Variants in TTC27 observed in about 807,000 individuals in gnomAD.
TTC27 encodes the protein tetratricopeptide repeat domain 27, also known as tetratricopeptide repeat protein 27.
A neutral mutation model predicts 115.9 loss-of-function variants in TTC27; 79 were observed. The observed-to-expected ratio is 0.68, with a 90% CI of 0.57 to 0.82. The LOEUF (loss-of-function observed/expected upper bound fraction) is 0.82. Ranked by LOEUF, TTC27 falls within the 40% of genes least tolerant of loss-of-function variation. The pLI, the probability that TTC27 is intolerant of heterozygous loss-of-function variation, is 0.00. For synonymous variants in TTC27, 401 were observed against 356.0 expected, an observed-to-expected ratio of 1.13 and a Z score of -1.42; for missense variants, 1,054 against 993.1, an observed-to-expected ratio of 1.06 and a Z score of -0.82.
intron 12 of TTC27, among the ~76,000 whole-genome samples, chr2:32,751,295 C>CAG (rs1261371735): frequency 6.6e-6 from 1 of 150,424 alleles, no homozygotes; most frequent in African/African-American, 2.4e-5. Flanking sequence ...CACACACACA[C>CAG]ACACACATGC....
intron 13 of TTC27, among the ~76,000 whole-genome samples, chr2:32,765,357 C>T (rs1045701447): frequency 5.0e-5 from 7 of 139,706 alleles, no homozygotes; most frequent in South Asian, 2.4e-4. Flanking sequence ...TGAAAGGAAT[C>T]TTTTTTTTTT....
chr2:32,756,041 A>G (rs1055464754), intron 12 of TTC27, among the ~76,000 whole-genome samples: 2 of 152,324 alleles, frequency 1.3e-5, no homozygotes, highest in African/African-American at 4.8e-5. Context: ...TCTGTCTTCA[A>G]ACCCAACCAG....
intron 16 of TTC27, among the ~76,000 whole-genome samples, chr2:32,788,095 T>C (rs983422254): frequency 5.3e-5 from 8 of 152,240 alleles, no homozygotes; most frequent in East Asian, 1.9e-4. Context: ...TTTACTGCAA[T>C]TGTGATTTTT....
At chr2:32,791,398 A>G (rs1670530214) in intron 16 of TTC27, among the ~76,000 whole-genome samples, 2 of 152,216 alleles carry the variant, frequency 1.3e-5, no homozygotes, top group Admixed American at 1.3e-4. Context: ...AAGGGGATTA[A>G]TATATATTGA....
At chr2:32,665,395 A>C (rs1665733530) in intron 6 of TTC27, among the ~76,000 whole-genome samples, 1 of 152,178 alleles carries the variant, frequency 6.6e-6, no homozygotes, top group South Asian at 2.1e-4. Flanking sequence ...TTAGTTTCAG[A>C]AGTTATGTTT....
At chr2:32,739,254 A>G (rs1245983805) in intron 12 of TTC27, among the ~76,000 whole-genome samples, 1 of 152,268 alleles carries the variant, frequency 6.6e-6, no homozygotes, top group Non-Finnish European at 1.5e-5. Flanking sequence ...AGAAATAAGT[A>G]ATAACTTTAT....
intron 10 of TTC27, among the ~76,000 whole-genome samples, chr2:32,728,607 A>G (rs947240443): frequency 2.6e-5 from 4 of 152,224 alleles, no homozygotes; most frequent in Non-Finnish European, 4.4e-5. Flanking sequence ...CACATCTGAC[A>G]TTGATCACAT....
chr2:32,704,727 G>A, intron 10 of TTC27: 1 of 381,778 alleles, frequency 2.6e-6, no homozygotes, highest in Non-Finnish European at 5.4e-6. Flanking sequence ...TGATGCTTTT[G>A]AAGATTATGG....
At chr2:32,746,457 T>G in intron 12 of TTC27, among the ~76,000 whole-genome samples, 1 of 148,064 alleles carries the variant, frequency 6.8e-6, no homozygotes, top group East Asian at 2.0e-4. Flanking sequence ...CAGCTACCTG[T>G]GAGGCTGAGG....
rs565073506 is a variant in TTC27 at position 32,646,015 on chromosome 2, G to A, written c.538-4116G>A. On this transcript the variant is annotated intron_variant, in intron 4 of 19. Coordinates refer to ENST00000317907, the MANE Select transcript of TTC27 (RefSeq NM_017735.5). ...ATTACAGGTGTGAGCCACAGTGCCC[G>A]GCCTCAATTTTCAATTTTAATTTTT... Among the ~76,000 whole-genome samples, 9 of 147,924 alleles carry A rather than the reference G, an allele frequency of 6.1e-5. No homozygotes were observed. In the East Asian group the frequency reaches 1.0e-3, roughly 17 times the overall value.
intron 5 of TTC27, among the ~76,000 whole-genome samples, chr2:32,662,959 G>T (rs1404977789): frequency 6.6e-6 from 1 of 152,152 alleles, no homozygotes; most frequent in Non-Finnish European, 1.5e-5. Context: ...TGTGTCCAGA[G>T]ATTCTTTGTT....
At chr2:32,805,034 T>C (rs1671082542) in intron 16 of TTC27, among the ~76,000 whole-genome samples, 2 of 152,186 alleles carry the variant, frequency 1.3e-5, no homozygotes, top group Admixed American at 6.5e-5. Context: ...AAGAACTTAA[T>C]AGAAAGGAAG....
At chr2:32,791,729 G>A (rs1344964829) in intron 16 of TTC27, among the ~76,000 whole-genome samples, 1 of 151,946 alleles carries the variant, frequency 6.6e-6, no homozygotes, top group Non-Finnish European at 1.5e-5. Flanking sequence ...CAGATAATAA[G>A]CCAGGCATGG....
intron 4 of TTC27, among the ~76,000 whole-genome samples, chr2:32,646,380 G>A (rs562885927): frequency 6.6e-6 from 1 of 151,874 alleles, no homozygotes; most frequent in Non-Finnish European, 1.5e-5. Context: ...CATTGCCCAG[G>A]CTTGTCTGAA....
chr2:32,809,645 A>G (rs909924606), intron 16 of TTC27, among the ~76,000 whole-genome samples: 1 of 152,240 alleles, frequency 6.6e-6, no homozygotes, highest in African/African-American at 2.4e-5. Flanking sequence ...CTGTCCCACC[A>G]TCAAAGGAGT....
intron 9 of TTC27, among the ~76,000 whole-genome samples, chr2:32,684,340 T>C (rs1666556269): frequency 6.6e-6 from 1 of 152,024 alleles, no homozygotes; most frequent in South Asian, 2.1e-4. Flanking sequence ...GACATTTGGG[T>C]TGGTTCCAAG....
chr2:32,797,440 A>G (rs946687646), intron 16 of TTC27, among the ~76,000 whole-genome samples: 8 of 152,230 alleles, frequency 5.3e-5, no homozygotes, highest in African/African-American at 1.9e-4. Context: ...TGCTTCCCAA[A>G]GTGCTGAAAT....
intron 5 of TTC27, among the ~76,000 whole-genome samples, chr2:32,662,190 T>C (rs1316642684): frequency 1.3e-5 from 2 of 152,200 alleles, no homozygotes; most frequent in African/African-American, 4.8e-5. Flanking sequence ...TGAGGATTTT[T>C]GCATCAATGT....
At chr2:32,673,868 G>A (rs190746166) in intron 8 of TTC27, among the ~76,000 whole-genome samples, 22 of 152,036 alleles carry the variant, frequency 1.4e-4, no homozygotes, top group African/African-American at 3.4e-4. Context: ...GGTGGCAGGC[G>A]CCTGTAATCC....
Sources: gnomAD v4.1 joint callset for allele counts (sites outside exome capture counted in the v4.1 genomes callset) on GRCh38, gnomAD v4.1.1 for gene constraint, MANE v1.5 for transcripts, NCBI Gene and HGNC (gene_info 2026-07-23, HGNC 2026-07-21) for gene names.